Variants in HDAC9 observed in about 807,000 individuals in gnomAD.
HDAC9 encodes MEF-2 interacting transcription repressor (MITR) protein.
Under a neutral mutation model 139.4 loss-of-function variants are expected in HDAC9, and 41 were observed. The observed-to-expected ratio is 0.29, with a 90% CI of 0.23 to 0.38. The LOEUF is 0.38. Ranked by LOEUF, HDAC9 falls within the 10% of genes least tolerant of loss-of-function variation. HDAC9 has a pLI of 1.00. For synonymous variants in HDAC9, 517 were observed against 476.2 expected (o/e 1.09, Z -1.12); for missense variants, 1,147 against 1,297.0 (o/e 0.88, Z 1.78).
intron 2 of HDAC9, among the ~76,000 whole-genome samples, chr7:18,561,814 C>T (rs1249164156): frequency 4.6e-5 from 7 of 152,254 alleles, no homozygotes; most frequent in Admixed American, 6.5e-5. Context: ...TCCATTGTTT[C>T]GATATACCAC....
chr7:18,236,803 G>A (rs1007004099), intron 2 of HDAC9, among the ~76,000 whole-genome samples: 19 of 152,114 alleles, frequency 1.2e-4, no homozygotes, highest in Admixed American at 1.1e-3. Context: ...TATGATCCAC[G>A]TGAGTTTTCC....
At chr7:18,364,670 A>G (rs1206104192) in intron 1 of HDAC9, among the ~76,000 whole-genome samples, 1 of 152,054 alleles carries the variant, frequency 6.6e-6, no homozygotes, top group African/African-American at 2.4e-5. Flanking sequence ...TCCCCAGGAG[A>G]TTCATTTTAA....
At chr7:18,452,584 C>A (rs1048826754) in intron 1 of HDAC9, among the ~76,000 whole-genome samples, 2 of 152,296 alleles carry the variant, frequency 1.3e-5, no homozygotes, top group South Asian at 2.1e-4. Flanking sequence ...TGTGTCCTCA[C>A]CCAAATCTTA....
chr7:18,726,362 G>A (rs1785545500), intron 12 of HDAC9, among the ~76,000 whole-genome samples: 1 of 152,176 alleles, frequency 6.6e-6, no homozygotes, highest in Admixed American at 6.5e-5. Flanking sequence ...ACCTAGTCTA[G>A]CAGGAAGGTT....
intron 1 of HDAC9, among the ~76,000 whole-genome samples, chr7:18,469,022 C>G (rs1199602442): frequency 6.6e-6 from 1 of 152,188 alleles, no homozygotes; most frequent in Non-Finnish European, 1.5e-5. Context: ...TGCCATTTCT[C>G]TAAGTCTTAT....
chr7:18,906,880 A>C (rs2129286202), intron 22 of HDAC9: 1 of 152,370 alleles, frequency 6.6e-6, no homozygotes, highest in Middle Eastern at 3.4e-3. Flanking sequence ...AGTACACTGC[A>C]CTTTTCATAA....
At chr7:18,448,330 A>G (rs755323097) in intron 1 of HDAC9, among the ~76,000 whole-genome samples, 29 of 152,204 alleles carry the variant, frequency 1.9e-4, no homozygotes, top group Non-Finnish European at 3.7e-4. Flanking sequence ...TTTTAGTTTA[A>G]TCCTTAAGAA....
At chr7:18,282,982 T>TTTTTTTTTTTTTTTTTGAGA (rs1423919285) in intron 2 of HDAC9, among the ~76,000 whole-genome samples, 11 of 150,604 alleles carry the variant, frequency 7.3e-5, no homozygotes, top group African/African-American at 2.7e-4. Flanking sequence ...GAAATTTCTA[T>TTTTTTTTTTTTTTTTTGAGA]CTCAATTTTG....
intron 12 of HDAC9, among the ~76,000 whole-genome samples, chr7:18,696,624 C>A (rs757344425): frequency 2.6e-5 from 4 of 151,878 alleles, no homozygotes; most frequent in African/African-American, 4.8e-5. Flanking sequence ...CACGTCACCA[C>A]GCCCAGCTAA....
intron 13 of HDAC9, among the ~76,000 whole-genome samples, chr7:18,728,707 T>G (rs1562888022): frequency 6.6e-6 from 1 of 152,200 alleles, no homozygotes; most frequent in Non-Finnish European, 1.5e-5. Context: ...TTTTGTGGCT[T>G]CTGTGACCTC....
chr7:18,402,162 CTT>C (rs1429410493), intron 1 of HDAC9, among the ~76,000 whole-genome samples: 1 of 152,178 alleles, frequency 6.6e-6, no homozygotes, highest in Non-Finnish European at 1.5e-5. Context: ...AAAAATAAGA[CTT>C]ATATCCCTGT....
At chr7:18,233,499 C>G (rs923466063) in intron 2 of HDAC9, among the ~76,000 whole-genome samples, 4 of 150,270 alleles carry the variant, frequency 2.7e-5, no homozygotes, top group African/African-American at 9.7e-5. Context: ...CCATTAATCA[C>G]TAAACTATGG....
At chr7:18,409,213 T>A (rs1406912494) in intron 1 of HDAC9, among the ~76,000 whole-genome samples, 4 of 152,178 alleles carry the variant, frequency 2.6e-5, no homozygotes, top group African/African-American at 9.7e-5. Context: ...AGGTTAAACT[T>A]TTATGAGTTT....
In HDAC9 at chr7:18,389,009, T is replaced by A. The variant is rs541770421; in HGVS notation, c.-42+98494T>A. Among the ~76,000 whole-genome samples the A allele has an allele frequency of 3.3e-5, 5 of 152,324 alleles. No homozygotes were observed. In the East Asian group the frequency reaches 9.6e-4, roughly 29 times the overall value. ...AAATCAACAATATATAAGAACATCA[T>A]GGCCTCTTGAACCCTCTTGTTCGCT... On this transcript the variant is annotated intron_variant, in intron 1 of 3. Transcript: ENST00000413509.
intron 12 of HDAC9, among the ~76,000 whole-genome samples, chr7:18,679,525 TTTC>T: frequency 6.8e-6 from 1 of 147,434 alleles, no homozygotes; most frequent in East Asian, 2.0e-4. Flanking sequence ...CCTTTCTTTC[TTTC>T]TTCCTTTCTT....
chr7:18,967,062 T>C (rs1196129851), intron 24 of HDAC9, among the ~76,000 whole-genome samples: 1 of 152,218 alleles, frequency 6.6e-6, no homozygotes, highest in Non-Finnish European at 1.5e-5. Context: ...TCATTATTCA[T>C]CAGGGGGACA....
At chr7:18,290,585 G>C in intron 1 of HDAC9, 1 of 455,604 alleles carries the variant, frequency 2.2e-6, no homozygotes, top group Non-Finnish European at 4.4e-6. Flanking sequence ...TTTTAAGTCT[G>C]ACTCTGCAAA....
chr7:18,618,152 T>C (rs1839180639), intron 6 of HDAC9, among the ~76,000 whole-genome samples: 1 of 152,184 alleles, frequency 6.6e-6, no homozygotes, highest in African/African-American at 2.4e-5. Context: ...AAGATAATTG[T>C]ATGGCATTTC....
chr7:18,950,508 C>T (rs1245710055), intron 23 of HDAC9, among the ~76,000 whole-genome samples: 3 of 152,014 alleles, frequency 2.0e-5, no homozygotes, highest in Admixed American at 1.3e-4. Context: ...AAGGCCACCT[C>T]TTCATGTTAT....
Sources: gnomAD v4.1 joint callset for allele counts (sites outside exome capture counted in the v4.1 genomes callset) on GRCh38, gnomAD v4.1.1 for gene constraint, MANE v1.5 for transcripts, NCBI Gene and HGNC (gene_info 2026-07-23, HGNC 2026-07-21) for gene names.